The following ABCC11 variants were observed in gnomAD, a reference collection of about 807,000 sequenced individuals.
ABCC11 encodes the protein ATP-binding cassette sub-family C member 11.
A neutral mutation model predicts 149.3 loss-of-function variants in ABCC11; 135 were observed. That is an observed-to-expected ratio of 0.90 (90% CI 0.79 to 1.04). The LOEUF is 1.04. Among genes scored for constraint, ABCC11 ranks in the 50% least tolerant of loss-of-function variants. ABCC11 has a pLI of 0.00. For missense variants in ABCC11, 1,680 were observed against 1,722.1 expected, an observed-to-expected ratio of 0.98 and a Z score of 0.43; for synonymous variants, 665 against 671.4, an observed-to-expected ratio of 0.99 and a Z score of 0.15.
At chr16:48,180,638 A>C (rs1596679163) in intron 23 of ABCC11, among the ~76,000 whole-genome samples, 1 of 152,310 alleles carries the variant, frequency 6.6e-6, no homozygotes, top group Middle Eastern at 3.4e-3. Flanking sequence ...GCTCGAATGT[A>C]ATTTTCTCAA....
chr16:48,193,738 G>T, intron 19 of ABCC11, 141 bp downstream of exon 19: 2 of 647,246 alleles, frequency 3.1e-6, no homozygotes, highest in Non-Finnish European at 5.1e-6. Flanking sequence ...GGCTCCCCAC[G>T]GTTCTCTCTG....
intron 1 of ABCC11, among the ~76,000 whole-genome samples, chr16:48,237,294 A>G (rs1970736610): frequency 6.6e-6 from 1 of 152,040 alleles, no homozygotes; most frequent in Admixed American, 6.6e-5. Flanking sequence ...AGTGAATGAG[A>G]CCCTCATTAT....
intron 26 of ABCC11, among the ~76,000 whole-genome samples, chr16:48,173,959 G>A (rs982400677): frequency 2.0e-5 from 3 of 152,070 alleles, no homozygotes; most frequent in African/African-American, 7.2e-5. Context: ...CTGTGTCTGT[G>A]CACATATTGT....
Position 48,187,329 on chromosome 16 carries a change from G to A in ABCC11, c.2805C>T (p.Pro935=), listed in dbSNP as rs750997339. 1 of 1,614,194 alleles carries A rather than the reference G, an allele frequency of 6.2e-7. No homozygotes were observed. Among genetic ancestry groups the A allele is most frequent in the Non-Finnish European group, 8.5e-7 (1 of 1,180,020 alleles). ...GDLEQLDQLL[P]IFSEQFLVLS... ...GGACCAGGAACTGCTCTGAAAAGAT[G>A]GGCAAGAGCTGGTCCAGCTGTTCCA... The change falls in exon 21 of 30, where the codon CCC becomes CCT. Residue 935 remains proline (P), a synonymous_variant. Coordinates refer to ENST00000356608, the MANE Select transcript of ABCC11 (RefSeq NM_001370497.1).
Position 48,167,542 on chromosome 16 carries a change from G to C in ABCC11, c.4010C>G (p.Thr1337Ser), listed in dbSNP as rs746266093. The change falls in exon 29 of 30, where the codon ACC (threonine) becomes AGC (serine). Residue 1337 changes from threonine to serine, a missense_variant. Thr to Ser is a moderately conservative substitution (Grantham distance 58). Transcript: ENST00000356608. ...CTVLVIAHRVTTVLNCDHILV... is the reference protein window; with the variant it reads ...CTVLVIAHRVSTVLNCDHILV... Reference sequence around the variant, plus strand: ...GATGTGGTCACAGTTCAGCACAGTGGTGACACGGTGGGCAATGACGAGCAC... The same window carrying C: ...GATGTGGTCACAGTTCAGCACAGTGCTGACACGGTGGGCAATGACGAGCAC... 113 of 1,614,052 alleles carry C rather than the reference G, an allele frequency of 7.0e-5. No homozygotes were observed. Among genetic ancestry groups the C allele is most frequent in the Non-Finnish European group, 9.2e-5 (108 of 1,180,036 alleles).
intron 3 of ABCC11, among the ~76,000 whole-genome samples, chr16:48,228,261 T>C (rs1333354093): frequency 6.7e-6 from 1 of 149,020 alleles, no homozygotes; most frequent in African/African-American, 2.5e-5. Context: ...ACAGGAAGAG[T>C]TCCAAGCAAA....
rs765445951 is a variant in ABCC11 at position 48,187,020 on chromosome 16, T to C, written c.3004A>G (p.Ile1002Val). The change falls in exon 22 of 30, where the codon ATC becomes GTC. Residue 1002 changes from isoleucine (I) to valine (V), a missense_variant. Transcript: ENST00000356608. ...NYSRSPLFSH[I>V]LNSLQGLSSI... ...CTCAGGCCTTGCAGAGAATTGAGGA[T>C]GTGGGAGAATAAAGGAGACCGGCTA... 6.2e-7 allele frequency: 1 copy of C among 1,614,130 alleles called. No homozygotes were observed. The highest frequency in any genetic ancestry group is 2.2e-5 in the East Asian group (1 of 44,878).
At chr16:48,181,987 G>A (rs1272882259) in intron 23 of ABCC11, among the ~76,000 whole-genome samples, 5 of 152,090 alleles carry the variant, frequency 3.3e-5, no homozygotes, top group Admixed American at 1.3e-4. Context: ...AAGAGAGCAC[G>A]GCCAGTGCCT....
At chr16:48,212,136 C>T (rs1337053323) in intron 10 of ABCC11, among the ~76,000 whole-genome samples, 4 of 152,174 alleles carry the variant, frequency 2.6e-5, no homozygotes, top group African/African-American at 9.7e-5. Flanking sequence ...GTCAGGGAAG[C>T]GCACTGGGCT....
At chr16:48,205,098 TATTGACTATTTTGAGCC>T (rs1469799254) in intron 13 of ABCC11, among the ~76,000 whole-genome samples, 2 of 152,210 alleles carry the variant, frequency 1.3e-5, no homozygotes, top group Non-Finnish European at 2.9e-5. Flanking sequence ...GGGGAGAGTG[TATTGACTATTTTGAGCC>T]AATATAGCGT....
At chr16:48,234,152 T>C (rs561340774) in intron 1 of ABCC11, among the ~76,000 whole-genome samples, 15 of 152,332 alleles carry the variant, frequency 9.8e-5, no homozygotes, top group African/African-American at 3.1e-4. Flanking sequence ...TCATGGCCGA[T>C]TTCGTGATGT....
At chr16:48,175,166 C>A in intron 26 of ABCC11, 92 bp downstream of exon 26, 1 of 1,479,812 alleles carries the variant, frequency 6.8e-7, no homozygotes, top group Non-Finnish European at 9.1e-7. Flanking sequence ...GAAATCGGGG[C>A]ATTGGTCACC....
chr16:48,221,830 C>T (rs568899192), intron 6 of ABCC11, among the ~76,000 whole-genome samples: 2 of 152,240 alleles, frequency 1.3e-5, no homozygotes, highest in East Asian at 3.9e-4. Flanking sequence ...CAGCCTTGAA[C>T]TCTTGGGCTC....
At chr16:48,184,656 T>C (rs768606777) in intron 22 of ABCC11, 30 bp from the exon 23 acceptor site, 12 of 1,602,000 alleles carry the variant, frequency 7.5e-6, no homozygotes, top group Non-Finnish European at 1.0e-5. Flanking sequence ...CTAAGAACCA[T>C]GTGTTTGTCT....
intron 24 of ABCC11, among the ~76,000 whole-genome samples, chr16:48,177,577 G>GT (rs1966167097): frequency 6.6e-6 from 1 of 152,150 alleles, no homozygotes. Flanking sequence ...CTTACTTAAC[G>GT]TAAGTTCCAC....
chr16:48,228,835 T>G (rs542024194), intron 3 of ABCC11, among the ~76,000 whole-genome samples: 1 of 152,080 alleles, frequency 6.6e-6, no homozygotes, highest in East Asian at 1.9e-4. Flanking sequence ...AGGTATTACC[T>G]TTAAGAATGA....
rs141323816 is a variant in ABCC11, at chr16:48,184,605, C to T, written c.3093G>A (p.Ala1031=). Residue 1031 remains alanine, a synonymous_variant, in exon 23 of 30, where the codon GCG becomes GCA. Coordinates refer to ENST00000356608, the MANE Select transcript of ABCC11 (RefSeq NM_001370497.1). The part of the protein sequence containing the change: ...FISQFKRLTD[A]QNNYLLLFLS... ...GAAACAACAGCAGGTAGTTATTCTG[C>T]GCATCAGTCAGCCTCTTAAACCTGA... is the stretch of plus-strand genomic sequence containing the variant. 8.6e-5 allele frequency: 138 copies of T among 1,613,976 alleles called. No homozygotes were observed. Among genetic ancestry groups the T allele is most frequent in the South Asian group, 2.5e-4 (23 of 91,062 alleles).
chr16:48,200,158 T>G lies in ABCC11; in HGVS notation c.2082+118A>C. On this transcript the variant is annotated intron_variant, in intron 15 of 29. Coordinates refer to ENST00000356608, the MANE Select transcript of ABCC11 (RefSeq NM_001370497.1). The stretch of plus-strand genomic sequence containing the variant: ...AGCCCTCCCCAAATGTGGAGGAGTC[T>G]AACCTGAGATGAGGACAGCTGCTGG... The G allele has an allele frequency of 5.4e-6, 6 of 1,115,180 alleles. No homozygotes were observed. The South Asian group carries it at 9.3e-5, about 17-fold the overall frequency. The allele number at this position is 1,115,180 out of a possible 1,614,324, so 69.1% of individuals were successfully genotyped here. A position where few individuals can be genotyped will look rare whatever the true frequency, so the allele number is the denominator to read the frequency against.
Position 48,220,844 on chromosome 16 carries a change from G to A in ABCC11, c.777+1754C>T, listed in dbSNP as rs1424380120. ...AATATCTGTTCTGTGTAATTCAGGT[G>A]TTGGGCCTTTTGAGAGACAGAGTGG... On this transcript the variant is annotated intron_variant, in intron 6 of 29. Coordinates refer to ENST00000356608, the MANE Select transcript of ABCC11 (RefSeq NM_001370497.1). Among the ~76,000 whole-genome samples the A allele has an allele frequency of 4.6e-5, 7 of 152,222 alleles. 1 individual carries two copies. The highest frequency in any genetic ancestry group is 3.9e-4 in the Admixed American group (6 of 15,288).
Sources: gnomAD v4.1 joint callset for allele counts (sites outside exome capture counted in the v4.1 genomes callset) on GRCh38, gnomAD v4.1.1 for gene constraint, MANE v1.5 for transcripts, NCBI Gene and HGNC (gene_info 2026-07-23, HGNC 2026-07-21) for gene names.